Variants in ATG4D observed in about 807,000 individuals in gnomAD.
The protein encoded by ATG4D is autophagy related 4D cysteine peptidase, also known as cysteine protease ATG4D.
A neutral mutation model predicts 55.2 loss-of-function variants in ATG4D; 51 were observed. The ratio of observed to expected loss-of-function variants is 0.92; its 90% CI spans 0.74 to 1.17. The LOEUF is 1.17. ATG4D is among the 50% of genes most tolerant of loss of function. ATG4D has a pLI of 0.00. For synonymous variants in ATG4D, 268 were observed against 266.2 expected, an observed-to-expected ratio of 1.01 and a Z score of -0.07; for missense variants, 635 against 649.6, an observed-to-expected ratio of 0.98 and a Z score of 0.25.
intron 6 of ATG4D, among the ~76,000 whole-genome samples, chr19:10,551,617 T>C (rs1406057433): frequency 1.3e-5 from 2 of 150,966 alleles, no homozygotes; most frequent in African/African-American, 4.9e-5. Flanking sequence ...GGAGAATCGC[T>C]TGAACTTAGG....
chr19:10,547,675 G>A (rs1568415980), intron 5 of ATG4D, among the ~76,000 whole-genome samples: 1 of 144,766 alleles, frequency 6.9e-6, no homozygotes, highest in Non-Finnish European at 1.5e-5. Context: ...GCTCACGCCT[G>A]TAATCCCAGC....
Position 10,552,940 on chromosome 19 carries a change from G to A in ATG4D, c.1298G>A (p.Gly433Asp). The change falls in exon 10 of 10, where the codon GGC becomes GAC. Residue 433 changes from glycine to aspartate, a missense_variant. Physicochemically the swap from Gly to Asp is moderately conservative, Grantham distance 94. Coordinates refer to ENST00000309469, the MANE Select transcript of ATG4D (RefSeq NM_032885.6). ...TACCCCATGTTCACCCTGGCCGAGG[G>A]CCATGCTCAGGACCACAGCCTGGAC... is the stretch of plus-strand genomic sequence containing the variant. Reference protein sequence around the residue: ...ERYPMFTLAEGHAQDHSLDDL... With the variant: ...ERYPMFTLAEDHAQDHSLDDL... 6.2e-7 allele frequency: 1 copy of A among 1,613,654 alleles called. No individual in the cohort carries two copies. Among genetic ancestry groups the A allele is most frequent in the Non-Finnish European group, 8.5e-7 (1 of 1,179,962 alleles).
At chr19:10,546,798 C>CA in intron 3 of ATG4D, 41 bp from the exon 4 acceptor site, 1 of 1,517,636 alleles carries the variant, frequency 6.6e-7, no homozygotes. Context: ...CTCTGCCCCC[C>CA]ACACACTAGC....
Position 10,544,773 on chromosome 19 carries a change from G to A in ATG4D, c.236-10G>A. 2 of 1,613,808 alleles carry A rather than the reference G, an allele frequency of 1.2e-6. No homozygotes were observed. Among genetic ancestry groups the A allele is most frequent in the Non-Finnish European group, 1.7e-6 (2 of 1,179,942 alleles). On this transcript the variant is annotated splice_polypyrimidine_tract_variant and intron_variant, in intron 1 of 9. Transcript: ENST00000309469. ...TCATCTCGCTGGGCGCTGCCCCTAC[G>A]TCTCCCCAGGTTGGGTGGTTAAAAG...
intron 6 of ATG4D, among the ~76,000 whole-genome samples, chr19:10,549,426 CT>C (rs112802453): frequency 6.7e-6 from 1 of 149,156 alleles, no homozygotes; most frequent in East Asian, 2.0e-4. Flanking sequence ...CGGGCCATCC[CT>C]TTTTTTTTGA....
Position 10,552,119 on chromosome 19 carries a change from G to A in ATG4D, c.1120G>A (p.Glu374Lys). The change falls in exon 8 of 10, where the codon GAG becomes AAG. Residue 374 changes from glutamate to lysine, a missense_variant and splice_region_variant. Physicochemically the swap from Glu to Lys is moderately conservative, Grantham distance 56. Coordinates refer to ENST00000309469, the MANE Select transcript of ATG4D (RefSeq NM_032885.6). ...VDVSQADFPLESFHCTSPRKM... is the reference protein window; with the variant it reads ...VDVSQADFPLKSFHCTSPRKM... ...TGTCAGCCAGGCCGACTTCCCCCTG[G>A]AGGTGAGTGGGAGCCCCAGTGTGTG... 2.5e-6 allele frequency: 4 copies of A among 1,611,762 alleles called. No individual in the cohort carries two copies. The African/African-American group carries it at 5.3e-5, about 21-fold the overall frequency.
chr19:10,551,213 A>T (rs1380808681), intron 6 of ATG4D: 1 of 152,672 alleles, frequency 6.5e-6, no homozygotes, highest in Middle Eastern at 3.4e-3. Flanking sequence ...CACGCCTGTA[A>T]TCCCAGCACT....
chr19:10,547,561 G>A (rs991306396), intron 5 of ATG4D, among the ~76,000 whole-genome samples: 4 of 147,910 alleles, frequency 2.7e-5, no homozygotes, highest in East Asian at 2.1e-4. Context: ...CCAGGAGTTC[G>A]AGGTTACAGT....
At position 10,545,428 on chromosome 19, in the gene ATG4D, C is replaced by T. The variant is rs1033646098; in HGVS notation, c.493+298C>T. Among the ~76,000 whole-genome samples the T allele has an allele frequency of 7.4e-5, 11 of 147,768 alleles. No individual in the cohort carries two copies. The South Asian group carries it at 1.5e-3, about 20-fold the overall frequency. ...CTCTACTAAAAATACAAAAATTAGC[C>T]GGTTGTGGTGGCACACGCCTGTAAT... On this transcript the variant is annotated intron_variant, in intron 3 of 9. Transcript: ENST00000309469.
intron 6 of ATG4D, among the ~76,000 whole-genome samples, chr19:10,549,938 C>A (rs1308636042): frequency 6.6e-6 from 1 of 152,124 alleles, no homozygotes; most frequent in Non-Finnish European, 1.5e-5. Context: ...ATAATCCCAG[C>A]ACTTTGGGAG....
At position 10,546,954 on chromosome 19, in the gene ATG4D, C is replaced by T. The variant is rs763696896; in HGVS notation, c.609C>T (p.Ala203=). The change falls in exon 4 of 10, where the codon GCC becomes GCT. Residue 203 remains alanine, a synonymous_variant. Coordinates refer to ENST00000309469, the MANE Select transcript of ATG4D (RefSeq NM_032885.6). ...TGCCCCCACGCTGGGCCCAGGGTGCCCCTGAGCTGGAGCAGGAACGCCGGC... is the reference window on the plus strand; with the variant it reads ...TGCCCCCACGCTGGGCCCAGGGTGCTCCTGAGCTGGAGCAGGAACGCCGGC... The part of the protein sequence containing the change: ...RWMPPRWAQG[A]PELEQERRHR... 1.9e-6 allele frequency: 3 copies of T among 1,611,112 alleles called. No homozygotes were observed. Among genetic ancestry groups the T allele is most frequent in the Non-Finnish European group, 2.5e-6 (3 of 1,179,130 alleles).
chr19:10,551,011 G>A (rs571774727), intron 6 of ATG4D: 1 of 152,256 alleles, frequency 6.6e-6, no homozygotes, highest in East Asian at 1.9e-4. Flanking sequence ...CTTGGCTCCT[G>A]TTTTAAAATA....
chr19:10,544,453 C>A, intron 1 of ATG4D, 128 bp downstream of exon 1: 1 of 955,160 alleles, frequency 1.0e-6, no homozygotes, highest in Non-Finnish European at 1.4e-6. Flanking sequence ...CTGCCCGGCC[C>A]AGGGTGGACC....
At chr19:10,550,492 A>T (rs1916185980) in intron 6 of ATG4D, among the ~76,000 whole-genome samples, 1 of 152,164 alleles carries the variant, frequency 6.6e-6, no homozygotes, top group African/African-American at 2.4e-5. Context: ...CATCCGAATA[A>T]AAGCCAGTTT....
At chr19:10,548,628 A>G (rs1916125024) in intron 5 of ATG4D, among the ~76,000 whole-genome samples, 1 of 152,088 alleles carries the variant, frequency 6.6e-6, no homozygotes, top group African/African-American at 2.4e-5. Flanking sequence ...GGAGCTTGAG[A>G]GAACAGTCTC....
rs774753480 is a variant in ATG4D at position 10,546,677 on chromosome 19, AAAAT to A, written c.494-147_494-144del. 5.6e-4 allele frequency among the ~76,000 whole-genome samples: 85 copies of A among 152,286 alleles called. 1 individual carries two copies. The highest frequency in any genetic ancestry group is 9.8e-4 in the Admixed American group (15 of 15,278). ...CTGAGATCCTGTCTTTAAGTAACAA[AAAAT>A]AAATAAATAAATAAGGATAAGTATA... On this transcript the variant is annotated intron_variant, in intron 3 of 9. Transcript: ENST00000309469.
rs761986044 is a variant in ATG4D, at chr19:10,552,934, C to A, written c.1292C>A (p.Ala431Asp). Reference protein sequence around the residue: ...ATERYPMFTLAEGHAQDHSLD... With the variant: ...ATERYPMFTLDEGHAQDHSLD... ...GAGCGGTACCCCATGTTCACCCTGG[C>A]CGAGGGCCATGCTCAGGACCACAGC... The change falls in exon 10 of 10, where the codon GCC (alanine) becomes GAC (aspartate). Residue 431 changes from alanine to aspartate, a missense_variant. Physicochemically the swap from Ala to Asp is moderately radical, Grantham distance 126. Transcript: ENST00000309469. The A allele has an allele frequency of 1.1e-5, 17 of 1,613,524 alleles. No homozygotes were observed. Among genetic ancestry groups the A allele is most frequent in the Non-Finnish European group, 1.4e-5 (17 of 1,179,966 alleles).
At position 10,553,049 on chromosome 19, in the gene ATG4D, G is replaced by C; in HGVS notation, c.1407G>C (p.Glu469Asp). 1 of 1,602,934 alleles carries C rather than the reference G, an allele frequency of 6.2e-7. No individual in the cohort carries two copies. The highest frequency in any genetic ancestry group is 1.7e-5 in the Admixed American group (1 of 58,498). ...TCAGGGCCAAACGCCCCAGCTCTGA[G>C]GACTTTGTGTTTTTATAAAGGGAGG... ...RLLRAKRPSS[E>D]DFVFL The change falls in exon 10 of 10, where the codon GAG (glutamate) becomes GAC (aspartate). Residue 469 changes from glutamate (E) to aspartate (D), a missense_variant. Coordinates refer to ENST00000309469, the MANE Select transcript of ATG4D (RefSeq NM_032885.6).
chr19:10,544,051 C>G lies in ATG4D; in HGVS notation c.-40C>G, dbSNP rs976124127. On this transcript the variant is annotated 5_prime_UTR_variant, in exon 1 of 10. Coordinates refer to ENST00000309469, the MANE Select transcript of ATG4D (RefSeq NM_032885.6). ...CGCCCTTGGGGGGCAGCGGCCGCAG[C>G]CCCCCACCTGGGCCCTCGGTCCGCC... 1.6e-6 allele frequency: 2 copies of G among 1,213,372 alleles called. No homozygotes were observed. The highest frequency in any genetic ancestry group is 2.1e-6 in the Non-Finnish European group (2 of 969,992). 75.2% of individuals were successfully genotyped at this position (1,213,372 alleles called of 1,614,324 possible).
Sources: allele counts gnomAD v4.1 joint callset (sites outside exome capture counted in the v4.1 genomes callset), GRCh38; gene constraint gnomAD v4.1.1; transcripts MANE v1.5; gene names NCBI Gene and HGNC (gene_info 2026-07-23, HGNC 2026-07-21).